GMDS: variants seen among roughly 807,000 people sequenced by gnomAD.
The protein encoded by GMDS is GDP-mannose 4,6 dehydratase.
In GMDS, 20 loss-of-function variants were observed where a neutral mutation model predicts 49.9. The observed-to-expected ratio is 0.40, with a 90% confidence interval of 0.28 to 0.58. The LOEUF (loss-of-function observed/expected upper bound fraction) is 0.58, where lower values mean the gene tolerates loss of function less well. Ranked by LOEUF, GMDS falls within the 20% of genes least tolerant of loss-of-function variation. GMDS has a pLI of 0.42. For synonymous variants in GMDS, 177 were observed against 178.6 expected (o/e 0.99, Z 0.07); for missense variants, 362 against 481.4 (o/e 0.75, Z 2.32).
At chr6:2,095,096 C>T (rs891575271) in intron 4 of GMDS, among the ~76,000 whole-genome samples, 1 of 152,150 alleles carries the variant, frequency 6.6e-6, no homozygotes, top group Admixed American at 6.6e-5. Context: ...CACAGAATGC[C>T]GTACATATTC....
intron 7 of GMDS, among the ~76,000 whole-genome samples, chr6:1,822,364 T>C (rs888877298): frequency 2.6e-5 from 4 of 152,254 alleles, no homozygotes; most frequent in Middle Eastern, 3.4e-3. Context: ...TGGGGTAAGA[T>C]TTAGGTCACA....
At chr6:1,962,862 C>A (rs1331711197) in intron 4 of GMDS, among the ~76,000 whole-genome samples, 1 of 149,422 alleles carries the variant, frequency 6.7e-6, no homozygotes, top group Non-Finnish European at 1.5e-5. Context: ...TTGTCTTTTT[C>A]TTTTCTTTTT....
At chr6:1,705,104 C>A (rs1765685199) in intron 9 of GMDS, among the ~76,000 whole-genome samples, 1 of 152,160 alleles carries the variant, frequency 6.6e-6, no homozygotes, top group South Asian at 2.1e-4. Flanking sequence ...AACATTTTGA[C>A]CAGTAAGTGT....
intron 4 of GMDS, among the ~76,000 whole-genome samples, chr6:1,999,788 C>T (rs1766543117): frequency 6.9e-6 from 1 of 145,044 alleles, no homozygotes; most frequent in Non-Finnish European, 1.5e-5. Context: ...GATATTACTC[C>T]CCTTTCTTAA....
At chr6:2,203,975 A>C (rs1779671413) in intron 1 of GMDS, among the ~76,000 whole-genome samples, 1 of 152,234 alleles carries the variant, frequency 6.6e-6, no homozygotes, top group Admixed American at 6.5e-5. Flanking sequence ...CTTGAAGCTA[A>C]GCAGAGGTAT....
intron 4 of GMDS, among the ~76,000 whole-genome samples, chr6:2,059,170 T>C (rs1434382190): frequency 2.4e-4 from 21 of 86,330 alleles, no homozygotes; most frequent in Middle Eastern, 8.9e-3. Flanking sequence ...AGTGATCCTC[T>C]GTCTCAAAAA....
At chr6:2,053,970 A>G (rs1770635184) in intron 4 of GMDS, among the ~76,000 whole-genome samples, 1 of 152,154 alleles carries the variant, frequency 6.6e-6, no homozygotes, top group Non-Finnish European at 1.5e-5. Flanking sequence ...GTTTCAATAT[A>G]TAAAAGAAAG....
intron 1 of GMDS, among the ~76,000 whole-genome samples, chr6:2,199,861 G>A (rs192892053): frequency 1.4e-4 from 22 of 152,192 alleles, no homozygotes; most frequent in African/African-American, 5.3e-4. Context: ...GCAGATACAG[G>A]AATATTTATC....
intron 1 of GMDS, among the ~76,000 whole-genome samples, chr6:2,196,211 A>G (rs1779269432): frequency 6.6e-6 from 1 of 152,240 alleles, no homozygotes; most frequent in South Asian, 2.1e-4. Flanking sequence ...AGCAACTGCA[A>G]AACTATAATT....
intron 7 of GMDS, among the ~76,000 whole-genome samples, chr6:1,872,472 G>A (rs1181547702): frequency 1.3e-5 from 2 of 152,100 alleles, no homozygotes; most frequent in African/African-American, 4.8e-5. Flanking sequence ...TTCCCCAATC[G>A]CTCTGTCAGA....
At chr6:2,236,077 GAAT>G (rs1184239870) in intron 1 of GMDS, among the ~76,000 whole-genome samples, 4 of 152,294 alleles carry the variant, frequency 2.6e-5, no homozygotes, top group East Asian at 1.9e-4. Context: ...TTGCTATGCA[GAAT>G]AATAAAAATA....
At chr6:1,853,604 G>GTTGTCCAGGACAACCACAGA (rs1757810447) in intron 7 of GMDS, among the ~76,000 whole-genome samples, 1 of 150,652 alleles carries the variant, frequency 6.6e-6, no homozygotes. Context: ...GGACAACCAC[G>GTTGTCCAGGACAACCACAGA]TGTACAGGGC....
At chr6:1,945,272 G>A (rs1763026195) in intron 6 of GMDS, among the ~76,000 whole-genome samples, 2 of 151,992 alleles carry the variant, frequency 1.3e-5, no homozygotes, top group African/African-American at 4.8e-5. Flanking sequence ...TAACTGTGGG[G>A]TTCTCAGCCA....
chr6:1,990,011 C>T (rs1165588390), intron 4 of GMDS, among the ~76,000 whole-genome samples: 5 of 152,248 alleles, frequency 3.3e-5, no homozygotes, highest in African/African-American at 1.2e-4. Flanking sequence ...AAATGTTAGC[C>T]ATAGGCTGGG....
chr6:2,105,855 T>C (rs1774213835), intron 4 of GMDS, among the ~76,000 whole-genome samples: 1 of 152,318 alleles, frequency 6.6e-6, no homozygotes, highest in East Asian at 1.9e-4. Context: ...ACTGCATAAT[T>C]GCTATCAACA....
chr6:2,037,603 A>G lies in GMDS; in HGVS notation c.346-76637T>C, dbSNP rs377371802. Among the ~76,000 whole-genome samples, 7 of 152,328 alleles carry G rather than the reference A, an allele frequency of 4.6e-5. No homozygotes were observed. In the East Asian group the frequency reaches 9.6e-4, roughly 21 times the overall value. ...GAAACCAAACATCGGTGATGGCATC[A>G]ATGTCTACGTCATAGTTCACCTCAA... On this transcript the variant is annotated intron_variant, in intron 4 of 10. Transcript: ENST00000380815.
chr6:2,238,717 C>A (rs1781482078), intron 1 of GMDS, among the ~76,000 whole-genome samples: 1 of 152,140 alleles, frequency 6.6e-6, no homozygotes, highest in African/African-American at 2.4e-5. Flanking sequence ...CTCCATTTTT[C>A]TACCCAAGAA....
chr6:1,971,448 T>C (rs1412115916), intron 4 of GMDS, among the ~76,000 whole-genome samples: 1 of 152,262 alleles, frequency 6.6e-6, no homozygotes, highest in Non-Finnish European at 1.5e-5. Flanking sequence ...ACAGGGTTGT[T>C]ACTCCAGAGT....
chr6:1,686,163 G>A (rs1015652527), intron 9 of GMDS, among the ~76,000 whole-genome samples: 1 of 152,156 alleles, frequency 6.6e-6, no homozygotes, highest in Non-Finnish European at 1.5e-5. Context: ...TGTGAGAGAG[G>A]AGCAGAACTG....
Sources: allele counts gnomAD v4.1 joint callset (sites outside exome capture counted in the v4.1 genomes callset), GRCh38; gene constraint gnomAD v4.1.1; transcripts MANE v1.5; gene names NCBI Gene and HGNC (gene_info 2026-07-23, HGNC 2026-07-21).